WDR7: variants seen among roughly 807,000 people sequenced by gnomAD.
The protein encoded by WDR7 is WD repeat domain 7.
In WDR7, 46 loss-of-function variants were observed where a neutral mutation model predicts 169.4. The observed-to-expected ratio is 0.27, with a 90% CI of 0.21 to 0.35. WDR7 has a LOEUF of 0.35. Among genes scored for constraint, WDR7 ranks in the 10% least tolerant of loss-of-function variants. The pLI, the probability that WDR7 is intolerant of heterozygous loss-of-function variation, is 1.00. For missense variants in WDR7, 1,534 were observed against 1,859.3 expected (o/e 0.83, Z 3.22); for synonymous variants, 612 against 666.8 (o/e 0.92, Z 1.27).
chr18:56,734,516 C>T (rs2026654886), intron 14 of WDR7, among the ~76,000 whole-genome samples: 1 of 146,142 alleles, frequency 6.8e-6, no homozygotes, highest in African/African-American at 2.6e-5. Flanking sequence ...TTTAAAACCA[C>T]TGCTTTTGAA....
In WDR7 at chr18:56,781,533, G is replaced by T. The variant is rs2044317770; in HGVS notation, c.3067G>T (p.Val1023Leu). 2 of 1,602,098 alleles carry T rather than the reference G, an allele frequency of 1.2e-6. No individual in the cohort carries two copies. The highest frequency in any genetic ancestry group is 1.1e-5 in the South Asian group (1 of 89,544). Residue 1023 changes from valine to leucine, a missense_variant and splice_region_variant, in exon 19 of 28, where the codon GTG (valine) becomes TTG (leucine). Transcript: ENST00000254442. Reference protein sequence around the residue: ...ARRWQDRCLEVREAAQALLLA... With the variant: ...ARRWQDRCLELREAAQALLLA... Reference sequence around the variant, plus strand: ...TTTACATTTGGGTCTGTGGTCTTAGGTGAGAGAAGCCGCGCAGGCCCTGCT... The same window carrying T: ...TTTACATTTGGGTCTGTGGTCTTAGTTGAGAGAAGCCGCGCAGGCCCTGCT...
In WDR7 at chr18:56,763,708, G is replaced by A. The variant is rs564708212; in HGVS notation, c.2848+4755G>A. Among the ~76,000 whole-genome samples, 15 of 152,258 alleles carry A rather than the reference G, an allele frequency of 9.9e-5. 1 individual carries two copies. The highest frequency in any genetic ancestry group is 3.4e-4 in the African/African-American group (14 of 41,558). On this transcript the variant is annotated intron_variant, in intron 16 of 27. Coordinates refer to ENST00000254442, the MANE Select transcript of WDR7 (RefSeq NM_015285.3). ...TGGTTGATCTAATTCACTAGTGAAA[G>A]CCCAGGGGTTTTCTTTATGGGAAGG...
At chr18:56,897,073 T>C (rs927487048) in intron 21 of WDR7, among the ~76,000 whole-genome samples, 2 of 151,900 alleles carry the variant, frequency 1.3e-5, no homozygotes, top group African/African-American at 4.8e-5. Context: ...CTAAGCCCTA[T>C]TGTCAAGGAA....
At chr18:57,000,333 G>A (rs2118195) in intron 26 of WDR7, among the ~76,000 whole-genome samples, 31,052 of 152,076 alleles carry the variant, frequency 0.2, 3,787 homozygotes, top group Middle Eastern at 0.32. Flanking sequence ...CACTGATCCT[G>A]TATTATTTAA....
chr18:56,934,566 G>C (rs1036234323), intron 22 of WDR7, among the ~76,000 whole-genome samples: 2 of 151,916 alleles, frequency 1.3e-5, no homozygotes, highest in Non-Finnish European at 2.9e-5. Flanking sequence ...CTCCGTATGG[G>C]AAAAAGAAGA....
chr18:56,932,937 C>T (rs575555813), intron 22 of WDR7, among the ~76,000 whole-genome samples: 13 of 152,148 alleles, frequency 8.5e-5, no homozygotes, highest in African/African-American at 3.1e-4. Context: ...CTTAGCTTCT[C>T]ACTAAACATT....
At chr18:56,901,435 A>C (rs892672880) in intron 21 of WDR7, among the ~76,000 whole-genome samples, 2 of 152,102 alleles carry the variant, frequency 1.3e-5, no homozygotes, top group African/African-American at 4.8e-5. Flanking sequence ...TCAAAAAATG[A>C]ATTCTACCTC....
intron 25 of WDR7, among the ~76,000 whole-genome samples, chr18:56,954,743 G>A (rs1213446736): frequency 6.6e-6 from 1 of 152,050 alleles, no homozygotes; most frequent in African/African-American, 2.4e-5. Context: ...GCAAATGAAA[G>A]AAATAGTAAA....
chr18:56,846,778 T>C (rs2045575036), intron 20 of WDR7, among the ~76,000 whole-genome samples: 1 of 152,208 alleles, frequency 6.6e-6, no homozygotes, highest in African/African-American at 2.4e-5. Context: ...TCTGCCATGA[T>C]TGTAAGTTTC....
At chr18:56,948,834 G>A (rs1484902784) in intron 25 of WDR7, among the ~76,000 whole-genome samples, 1 of 152,118 alleles carries the variant, frequency 6.6e-6, no homozygotes, top group Non-Finnish European at 1.5e-5. Flanking sequence ...CGTGTCAGGG[G>A]CACACATGGA....
chr18:56,816,278 A>G lies in WDR7; in HGVS notation c.3304+134A>G, dbSNP rs138582614. On this transcript the variant is annotated intron_variant, in intron 20 of 27. Coordinates refer to ENST00000254442, the MANE Select transcript of WDR7 (RefSeq NM_015285.3). ...TTGTACTGATGGTGTATTTAGTTTT[A>G]TGAAACTGTTCAGTGTCCTCTTTAA... 5.8e-4 allele frequency: 415 copies of G among 709,862 alleles called. 1 individual carries two copies. In the African/African-American group the frequency reaches 6.6e-3, roughly 11 times the overall value. The allele number at this position is 709,862 out of a possible 1,614,324, so 44.0% of individuals were successfully genotyped here.
intron 14 of WDR7, among the ~76,000 whole-genome samples, chr18:56,749,560 T>A (rs905022530): frequency 6.6e-6 from 1 of 152,082 alleles, no homozygotes; most frequent in Non-Finnish European, 1.5e-5. Context: ...CTTGCTGGTA[T>A]AAATAAACTC....
intron 26 of WDR7, among the ~76,000 whole-genome samples, chr18:57,004,252 C>T (rs1049392685): frequency 1.3e-5 from 2 of 152,030 alleles, no homozygotes; most frequent in Non-Finnish European, 2.9e-5. Context: ...TCTGACATCC[C>T]ACACATACCA....
chr18:56,779,284 A>G, intron 17 of WDR7, 147 bp from the exon 18 acceptor site: 1 of 514,812 alleles, frequency 1.9e-6, no homozygotes, highest in Non-Finnish European at 3.4e-6. Flanking sequence ...TTCTTTGCAC[A>G]AAGTGTCTAC....
rs17830523 is a variant in WDR7 at position 56,999,914 on chromosome 18, G to A, written c.4165-20831G>A. Among the ~76,000 whole-genome samples the A allele has an allele frequency of 2.0e-3, 304 of 152,178 alleles. 2 individuals are homozygous for A. The East Asian group carries it at 0.044, about 22-fold the overall frequency. On this transcript the variant is annotated intron_variant, in intron 26 of 27. Coordinates refer to ENST00000254442, the MANE Select transcript of WDR7 (RefSeq NM_015285.3). The stretch of plus-strand genomic sequence containing the variant: ...AGAAGGGATCTCCCATCTTTTGACC[G>A]CTATGAGCTTCTCCTGTCAACAAAA...
intron 20 of WDR7, among the ~76,000 whole-genome samples, chr18:56,848,960 A>C (rs1599098057): frequency 6.6e-6 from 1 of 152,160 alleles, no homozygotes; most frequent in South Asian, 2.1e-4. Flanking sequence ...ATAATACACT[A>C]TCTTAACTTT....
chr18:56,819,906 T>C (rs1339389344), intron 20 of WDR7, among the ~76,000 whole-genome samples: 1 of 152,172 alleles, frequency 6.6e-6, no homozygotes, highest in Non-Finnish European at 1.5e-5. Flanking sequence ...TATGTAGATA[T>C]ATAACTGACA....
intron 26 of WDR7, among the ~76,000 whole-genome samples, chr18:57,014,462 G>A (rs539415376): frequency 6.6e-6 from 1 of 152,060 alleles, no homozygotes; most frequent in East Asian, 1.9e-4. Flanking sequence ...TTCAAGACCA[G>A]CCTGACCAAC....
intron 21 of WDR7, among the ~76,000 whole-genome samples, chr18:56,919,799 T>G (rs889405447): frequency 3.9e-5 from 6 of 152,154 alleles, no homozygotes; most frequent in African/African-American, 1.4e-4. Flanking sequence ...TTCTAATTAA[T>G]CCCATTTGGC....
Sources: allele counts gnomAD v4.1 joint callset (sites outside exome capture counted in the v4.1 genomes callset), GRCh38; gene constraint gnomAD v4.1.1; transcripts MANE v1.5; gene names NCBI Gene and HGNC (gene_info 2026-07-23, HGNC 2026-07-21).